GALNT13: variants seen among roughly 807,000 people sequenced by gnomAD.
GALNT13 encodes the protein polypeptide N-acetylgalactosaminyltransferase 13, also known as UDP-GalNAc:polypeptide N-acetylgalactosaminyltransferase 13.
In GALNT13, 28 loss-of-function variants were observed where a neutral mutation model predicts 64.2. That is an observed-to-expected ratio of 0.44 (90% CI 0.32 to 0.60). GALNT13 has a LOEUF of 0.60. Ranked by LOEUF, GALNT13 falls within the 20% of genes least tolerant of loss-of-function variation. The pLI, the probability that GALNT13 is intolerant of heterozygous loss-of-function variation, is 0.05. For synonymous variants in GALNT13, 214 were observed against 224.6 expected, an observed-to-expected ratio of 0.95 and a Z score of 0.42; for missense variants, 577 against 669.8, an observed-to-expected ratio of 0.86 and a Z score of 1.53.
At chr2:154,226,157 A>G (rs1468735564) in intron 4 of GALNT13, among the ~76,000 whole-genome samples, 2 of 152,156 alleles carry the variant, frequency 1.3e-5, no homozygotes, top group African/African-American at 2.4e-5. Context: ...GGAGAAGGTC[A>G]GAGAAAATCT....
intron 3 of GALNT13, among the ~76,000 whole-genome samples, chr2:154,134,172 C>A (rs987390006): frequency 7.9e-5 from 12 of 152,088 alleles, no homozygotes; most frequent in African/African-American, 2.9e-4. Flanking sequence ...ACAACAACTA[C>A]ATTAGTTCAA....
intron 4 of GALNT13, among the ~76,000 whole-genome samples, chr2:154,205,871 GA>G (rs544788492): frequency 1.1e-3 from 173 of 151,750 alleles, no homozygotes; most frequent in African/African-American, 3.7e-3. Flanking sequence ...TTTAGTATCA[GA>G]AAAAAAATTC....
chr2:153,216,920 C>A, the GALNT13 span, among the ~76,000 whole-genome samples: 5 of 151,808 alleles, frequency 3.3e-5, no homozygotes, highest in African/African-American at 1.2e-4. Context: ...TTATAGAAAT[C>A]TTATAGTTTT....
the GALNT13 span, among the ~76,000 whole-genome samples, chr2:153,190,746 G>A: frequency 6.6e-6 from 1 of 151,718 alleles, no homozygotes; most frequent in Non-Finnish European, 1.5e-5. Flanking sequence ...TGGTCTCTTC[G>A]ATTTCTTTCA....
chr2:154,306,545 G>T (rs1209889490), intron 9 of GALNT13, among the ~76,000 whole-genome samples: 4 of 146,928 alleles, frequency 2.7e-5, no homozygotes, highest in Non-Finnish European at 4.5e-5. Flanking sequence ...CTGTACAGGA[G>T]ATCAGAGTTT....
the GALNT13 span, among the ~76,000 whole-genome samples, chr2:153,434,323 A>C: frequency 5.3e-5 from 8 of 152,222 alleles, no homozygotes; most frequent in Non-Finnish European, 1.0e-4. Flanking sequence ...AGCATGATTT[A>C]TAATCCTTTG....
chr2:153,698,097 C>T, the GALNT13 span, among the ~76,000 whole-genome samples: 4 of 152,046 alleles, frequency 2.6e-5, no homozygotes, highest in African/African-American at 9.7e-5. Context: ...AAAGGAAGCA[C>T]TAAATATGGA....
chr2:153,970,640 T>A lies in GALNT13; in HGVS notation c.142+26001T>A, dbSNP rs530248908. Among the ~76,000 whole-genome samples the A allele has an allele frequency of 2.6e-5, 4 of 152,270 alleles. No homozygotes were observed. In the South Asian group the frequency reaches 8.3e-4, roughly 32 times the overall value. On this transcript the variant is annotated intron_variant, in intron 3 of 12. Coordinates refer to ENST00000392825, the MANE Select transcript of GALNT13 (RefSeq NM_052917.4). The stretch of plus-strand genomic sequence containing the variant: ...TTGTGACCAAGGCTTACTTGATATA[T>A]CTTTTTGGATTCTAAGAAACATCTC...
intron 3 of GALNT13, among the ~76,000 whole-genome samples, chr2:154,111,735 G>A (rs571405273): frequency 6.6e-6 from 1 of 152,128 alleles, no homozygotes; most frequent in African/African-American, 2.4e-5. Flanking sequence ...TATATTGGAC[G>A]CTGATTCAGA....
At chr2:153,908,656 C>T (rs187640129) in intron 2 of GALNT13, among the ~76,000 whole-genome samples, 83 of 152,144 alleles carry the variant, frequency 5.5e-4, no homozygotes, top group African/African-American at 1.9e-3. Flanking sequence ...GGAGTCCATT[C>T]CTCATTGCTT....
At chr2:153,430,045 TG>T in the GALNT13 span, among the ~76,000 whole-genome samples, 1 of 152,134 alleles carries the variant, frequency 6.6e-6, no homozygotes, top group Non-Finnish European at 1.5e-5. Context: ...ACTACAATCA[TG>T]GGAACTGTGT....
At chr2:154,304,255 T>G (rs1050968968) in intron 9 of GALNT13, among the ~76,000 whole-genome samples, 2 of 152,216 alleles carry the variant, frequency 1.3e-5, no homozygotes, top group Non-Finnish European at 2.9e-5. Context: ...CATGCATAGA[T>G]GTATTTCCCT....
chr2:153,474,853 T>C, the GALNT13 span, among the ~76,000 whole-genome samples: 27 of 150,370 alleles, frequency 1.8e-4, no homozygotes, highest in African/African-American at 6.6e-4. Context: ...GACCAAATGG[T>C]GGACTTCAGT....
At chr2:153,916,295 G>A (rs912045419) in intron 2 of GALNT13, among the ~76,000 whole-genome samples, 14 of 151,708 alleles carry the variant, frequency 9.2e-5, no homozygotes, top group African/African-American at 3.4e-4. Flanking sequence ...TATCCGGGAT[G>A]ATTGGTGTGT....
the GALNT13 span, chr2:153,421,122 C>A: frequency 3.8e-6 from 1 of 263,244 alleles, no homozygotes. Context: ...CATCTGGTTG[C>A]CTGGCTCAAA....
intron 3 of GALNT13, among the ~76,000 whole-genome samples, chr2:153,991,872 T>C (rs1695180455): frequency 6.6e-6 from 1 of 152,144 alleles, no homozygotes; most frequent in Non-Finnish European, 1.5e-5. Context: ...ATCAGGGTGT[T>C]GAAGGTCATC....
At chr2:153,538,233 T>G in the GALNT13 span, among the ~76,000 whole-genome samples, 4 of 152,046 alleles carry the variant, frequency 2.6e-5, no homozygotes, top group Admixed American at 2.6e-4. Flanking sequence ...CTGGCATTTT[T>G]CCCCTGCCCT....
intron 8 of GALNT13, among the ~76,000 whole-genome samples, chr2:154,282,884 A>C (rs1422920893): frequency 6.6e-6 from 1 of 152,144 alleles, no homozygotes; most frequent in African/African-American, 2.4e-5. Flanking sequence ...AAGTAACATA[A>C]ATCTAGATTA....
the GALNT13 span, among the ~76,000 whole-genome samples, chr2:153,646,374 G>C: frequency 4.0e-5 from 6 of 151,600 alleles, no homozygotes; most frequent in South Asian, 2.1e-4. Context: ...AATTATGAAG[G>C]AAAAAGTTCA....
Sources: gnomAD v4.1 joint callset for allele counts (sites outside exome capture counted in the v4.1 genomes callset) on GRCh38, gnomAD v4.1.1 for gene constraint, MANE v1.5 for transcripts, NCBI Gene and HGNC (gene_info 2026-07-23, HGNC 2026-07-21) for gene names.